The following GABRA3 variants were observed in gnomAD, a reference collection of about 807,000 sequenced individuals.
GABRA3 encodes the protein gamma-aminobutyric acid receptor subunit alpha-3.
Under a neutral mutation model 30.1 loss-of-function variants are expected in GABRA3, and 10 were observed. The observed-to-expected ratio is 0.33, with a 90% CI of 0.20 to 0.56. GABRA3 has a LOEUF of 0.56. GABRA3 is among the 20% of genes least tolerant of loss of function. The pLI is 0.89. For synonymous variants in GABRA3, 151 were observed against 146.8 expected, an observed-to-expected ratio of 1.03 and a Z score of -0.21; for missense variants, 233 against 392.0, an observed-to-expected ratio of 0.59 and a Z score of 3.42.
chrX:152,447,998 T>C (rs6627237), intron 1 of GABRA3, among the ~76,000 whole-genome samples: 46,519 of 111,540 alleles, frequency 0.42, 6,986 homozygotes, highest in East Asian at 0.65. Flanking sequence ...CTGTAGAATC[T>C]AATAATACAA....
intron 5 of GABRA3, among the ~76,000 whole-genome samples, chrX:152,225,384 C>A (rs1178316781): frequency 9.9e-6 from 1 of 100,824 alleles, no homozygotes; most frequent in Non-Finnish European, 2.0e-5. Context: ...GGAACACACA[C>A]ACACATACAC....
intron 3 of GABRA3, among the ~76,000 whole-genome samples, chrX:152,335,838 G>A (rs1042569025): frequency 1.8e-5 from 2 of 110,322 alleles, no homozygotes; most frequent in Non-Finnish European, 3.8e-5. Flanking sequence ...TGCTACCTCA[G>A]CCTCTCGAGG....
At chrX:152,236,663 C>T (rs1285522134) in intron 5 of GABRA3, among the ~76,000 whole-genome samples, 1,261 of 107,599 alleles carry the variant, frequency 0.012, 9 homozygotes, top group Non-Finnish European at 0.018. Flanking sequence ...CCTGTTGTTT[C>T]CTGACTTTTT....
At chrX:152,350,295 G>T (rs9698758) in intron 2 of GABRA3, among the ~76,000 whole-genome samples, 9,958 of 91,832 alleles carry the variant, frequency 0.11, 591 homozygotes, top group African/African-American at 0.16. Flanking sequence ...TCTCTGGGAC[G>T]CATTCAAAGC....
At chrX:152,276,443 A>C (rs1249166768) in intron 4 of GABRA3, among the ~76,000 whole-genome samples, 3 of 112,191 alleles carry the variant, frequency 2.7e-5, no homozygotes, top group Non-Finnish European at 5.6e-5. Flanking sequence ...ATTCATCACA[A>C]GAGTATTTGG....
intron 6 of GABRA3, among the ~76,000 whole-genome samples, chrX:152,224,225 A>T (rs1937895081): frequency 8.9e-6 from 1 of 112,275 alleles, no homozygotes; most frequent in African/African-American, 3.2e-5. Context: ...AATTCATTTG[A>T]AAATGGACTA....
At chrX:152,210,497 G>C (rs1318996945) in intron 6 of GABRA3, among the ~76,000 whole-genome samples, 1 of 111,816 alleles carries the variant, frequency 8.9e-6, no homozygotes, top group Non-Finnish European at 1.9e-5. Flanking sequence ...AGTGATGGAG[G>C]TTATGAGGAA....
intron 2 of GABRA3, among the ~76,000 whole-genome samples, chrX:152,356,299 C>T (rs369100221): frequency 1.8e-5 from 2 of 111,736 alleles, no homozygotes; most frequent in Admixed American, 1.9e-4. Flanking sequence ...AAGTACTGGT[C>T]GATAAACCAC....
At chrX:152,293,471 T>A (rs780747862) in intron 3 of GABRA3, among the ~76,000 whole-genome samples, 1 of 111,401 alleles carries the variant, frequency 9.0e-6, no homozygotes, top group East Asian at 2.8e-4. Context: ...GAGATGGGTC[T>A]CCTGAATACA....
chrX:152,345,510 T>G (rs767343128), intron 3 of GABRA3, 71 bp downstream of exon 3: 2 of 1,114,114 alleles, frequency 1.8e-6, no homozygotes, highest in African/African-American at 3.7e-5. Context: ...AGGCACCTTA[T>G]AACTGTTTTT....
chrX:152,191,001 G>A (rs1345556691), intron 8 of GABRA3, among the ~76,000 whole-genome samples: 3 of 109,001 alleles, frequency 2.8e-5, no homozygotes, highest in Non-Finnish European at 1.9e-5. Context: ...TTACCCCAGA[G>A]AGCCTCAGTT....
In GABRA3 at chrX:152,197,706, A is replaced by G; in HGVS notation, c.858T>C (p.Cys286=). The G allele has an allele frequency of 8.3e-7, 1 of 1,210,065 alleles. No homozygotes were observed. The highest frequency in any genetic ancestry group is 1.8e-5 in the South Asian group (1 of 56,892). The change falls in exon 8 of 10, where the codon TGT becomes TGC. Residue 286 remains cysteine, a synonymous_variant. Coordinates refer to ENST00000370314, the MANE Select transcript of GABRA3 (RefSeq NM_000808.4). ...CTTGTGACAGAATGACAGTCATGAT[A>G]CATGGCAAGTAGGTCTGGATCACAA... The part of the protein sequence containing the change: ...GYFVIQTYLP[C]IMTVILSQVS...
At chrX:152,372,183 A>G (rs1928860031) in intron 1 of GABRA3, among the ~76,000 whole-genome samples, 1 of 111,169 alleles carries the variant, frequency 9.0e-6, no homozygotes, top group Admixed American at 9.6e-5. Flanking sequence ...AAATATATAT[A>G]AGTCAGACCC....
chrX:152,400,731 G>A (rs1007321687), intron 1 of GABRA3, among the ~76,000 whole-genome samples: 8 of 111,397 alleles, frequency 7.2e-5, no homozygotes, highest in African/African-American at 2.6e-4. Flanking sequence ...AATTACATGA[G>A]CCTTTAAAAG....
At chrX:152,305,708 C>T (rs1939710301) in intron 3 of GABRA3, among the ~76,000 whole-genome samples, 1 of 110,969 alleles carries the variant, frequency 9.0e-6, no homozygotes, top group African/African-American at 3.3e-5. Flanking sequence ...TATACCACCA[C>T]AACAAACTAT....
chrX:152,205,952 T>C (rs1370084214), intron 7 of GABRA3, among the ~76,000 whole-genome samples: 1 of 112,764 alleles, frequency 8.9e-6, no homozygotes, highest in Non-Finnish European at 1.9e-5. Context: ...ATTTCCAACA[T>C]TTGCTCCTCC....
intron 1 of GABRA3, among the ~76,000 whole-genome samples, chrX:152,392,805 A>G (rs1486125447): frequency 8.9e-6 from 1 of 112,323 alleles, no homozygotes; most frequent in African/African-American, 3.2e-5. Context: ...ATGCCAAAGG[A>G]GCTAAGAGGC....
At chrX:152,309,224 T>C (rs1939765256) in intron 3 of GABRA3, among the ~76,000 whole-genome samples, 1 of 111,955 alleles carries the variant, frequency 8.9e-6, no homozygotes, top group Non-Finnish European at 1.9e-5. Flanking sequence ...TTTCAGCATA[T>C]TGCCTGTGAA....
chrX:152,253,706 A>G (rs1283832923), intron 5 of GABRA3, among the ~76,000 whole-genome samples: 1 of 111,577 alleles, frequency 9.0e-6, no homozygotes, highest in African/African-American at 3.3e-5. Flanking sequence ...CTACAGAGCC[A>G]TATATGAAAT....
Sources: allele counts gnomAD v4.1 joint callset (sites outside exome capture counted in the v4.1 genomes callset), GRCh38; gene constraint gnomAD v4.1.1; transcripts MANE v1.5; gene names NCBI Gene and HGNC (gene_info 2026-07-23, HGNC 2026-07-21).